FAAP20: variants seen among roughly 807,000 people sequenced by gnomAD.
FAAP20 encodes Fanconi anemia core complex-associated protein 20.
A neutral mutation model predicts 16.2 loss-of-function variants in FAAP20; 12 were observed. That is an observed-to-expected ratio of 0.74 (90% CI 0.48 to 1.20). FAAP20 has a LOEUF of 1.20. Among genes scored for constraint, FAAP20 ranks in the 50% most tolerant of loss-of-function variants. The probability of loss-of-function intolerance (pLI) is 0.00; values close to 1 mark genes in which losing one functional copy is unlikely to be tolerated. For synonymous variants in FAAP20, 141 were observed against 110.7 expected (o/e 1.27, Z -1.72); for missense variants, 288 against 245.8 (o/e 1.17, Z -1.15).
chr1:2,185,880 G>A (rs1357294107), downstream of FAAP20: 6 of 366,836 alleles, frequency 1.6e-5, no homozygotes, highest in Non-Finnish European at 5.2e-6. Flanking sequence ...AGATGTGCAT[G>A]TGACGGACCC....
upstream of FAAP20, chr1:2,212,681 C>G: frequency 6.9e-6 from 2 of 287,866 alleles, no homozygotes; most frequent in South Asian, 3.0e-5. Flanking sequence ...GGTGTAAGTT[C>G]CAAGAACGCG....
Position 2,194,027 on chromosome 1 carries a change from C to G in FAAP20, c.169G>C (p.Val57Leu). The G allele has an allele frequency of 6.2e-7, 1 of 1,612,730 alleles. No individual in the cohort carries two copies. Among genetic ancestry groups the G allele is most frequent in the South Asian group, 1.1e-5 (1 of 91,080 alleles). ...CCTGGGAAGGCGGGCAGTGAAGGCACCTCGTGATCCAGGATCAGCTCCGGG... is the reference window on the plus strand; with the variant it reads ...CCTGGGAAGGCGGGCAGTGAAGGCAGCTCGTGATCCAGGATCAGCTCCGGG... ...VSPELILDHE[V>L]PSLPAFPGQE... Residue 57 changes from valine to leucine, a missense_variant, in exon 2 of 4, where the codon GTG becomes CTG. Val to Leu is a conservative substitution (Grantham distance 32, BLOSUM62 1). Coordinates refer to ENST00000378546, the MANE Select transcript of FAAP20 (RefSeq NM_182533.4).
downstream of FAAP20, among the ~76,000 whole-genome samples, chr1:2,208,992 A>G (rs1438707851): frequency 6.6e-6 from 1 of 152,160 alleles, no homozygotes; most frequent in East Asian, 1.9e-4. Context: ...CCCGGACCCC[A>G]CTCACTGCAC....
chr1:2,184,522 A>G, downstream of FAAP20: 2 of 1,281,370 alleles, frequency 1.6e-6, no homozygotes, highest in Non-Finnish European at 2.2e-6. Context: ...CGTGCAAAAC[A>G]CTCAATCTGG....
upstream of FAAP20, chr1:2,198,206 A>C (rs1688900200): frequency 2.4e-6 from 3 of 1,246,178 alleles, no homozygotes; most frequent in Non-Finnish European, 3.1e-6. Context: ...GTTTTTTCTA[A>C]GCCAAAATTC....
intron 3 of FAAP20, among the ~76,000 whole-genome samples, chr1:2,205,325 A>C (rs1273202339): frequency 9.9e-6 from 1 of 101,352 alleles, no homozygotes; most frequent in African/African-American, 4.0e-5. Context: ...CCCGCCCCGC[A>C]GGGTCCCGCC....
chr1:2,198,630 T>C (rs1409525255), upstream of FAAP20: 1 of 1,192,176 alleles, frequency 8.4e-7, no homozygotes, highest in East Asian at 5.9e-5. Flanking sequence ...CCCTCCCAAT[T>C]TCCAAATGAG....
chr1:2,204,434 T>C (rs1413886949), upstream of FAAP20, among the ~76,000 whole-genome samples: 1 of 152,204 alleles, frequency 6.6e-6, no homozygotes. Flanking sequence ...TTTCTCCACA[T>C]AATGAGAGCC....
chr1:2,211,408 T>C (rs1472937615), downstream of FAAP20, among the ~76,000 whole-genome samples: 2 of 17,370 alleles, frequency 1.2e-4, no homozygotes, highest in East Asian at 1.7e-3. Flanking sequence ...TTTATATATA[T>C]ATATATATAT....
chr1:2,193,326 G>A (rs1688461427), intron 3 of FAAP20: 1 of 521,816 alleles, frequency 1.9e-6, no homozygotes, highest in Non-Finnish European at 3.4e-6. Context: ...TGTGCTCTGG[G>A]CCTGGGGACG....
In FAAP20 at chr1:2,193,667, G is replaced by A. The variant is rs113218107; in HGVS notation, c.442C>T (p.Pro148Ser). ...VEGAAALRSC[P>S]MCQKEFAPRL... is the part of the protein sequence containing the mutation. ...GGGGCGAACTCCTTCTGGCACATGG[G>A]GCAGCTGCGCAGGGCCGCGGCACCC... The change falls in exon 3 of 4, where the codon CCC becomes TCC. Residue 148 changes from proline to serine, a missense_variant. Physicochemically the swap from Pro to Ser is moderately conservative, Grantham distance 74. Coordinates refer to ENST00000378546, the MANE Select transcript of FAAP20 (RefSeq NM_182533.4). 2.5e-6 allele frequency: 4 copies of A among 1,600,408 alleles called. No homozygotes were observed. Among genetic ancestry groups the A allele is most frequent in the Middle Eastern group, 1.7e-4 (1 of 5,968 alleles).
upstream of FAAP20, among the ~76,000 whole-genome samples, chr1:2,196,565 T>C (rs1173788864): frequency 6.9e-6 from 1 of 145,652 alleles, no homozygotes; most frequent in African/African-American, 2.5e-5. The surrounding 1 kb of genome is among the most constrained non-coding windows in gnomAD (Gnocchi z 4.5). Flanking sequence ...ATAGGCCAGG[T>C]GTGGTGGCTC....
At chr1:2,185,460 A>G (rs569078307), downstream of FAAP20, 276 of 718,542 alleles carry the variant, frequency 3.8e-4, no homozygotes, top group Non-Finnish European at 6.1e-4. Flanking sequence ...ACCCACACGT[A>G]GGGGGGCAGC....
chr1:2,209,248 C>A (rs148570545), downstream of FAAP20, among the ~76,000 whole-genome samples: 1 of 152,198 alleles, frequency 6.6e-6, no homozygotes, highest in Admixed American at 6.5e-5. Context: ...GCCCCCGCCC[C>A]GAAAGCTTAT....
upstream of FAAP20, chr1:2,198,353 C>T (rs982108809): frequency 2.0e-5 from 8 of 406,460 alleles, no homozygotes; most frequent in Admixed American, 3.9e-5. Flanking sequence ...AGGCCCCTTA[C>T]CCTCTGTGGC....
chr1:2,194,703 G>C lies in FAAP20; in HGVS notation c.47C>G (p.Pro16Arg), dbSNP rs1438985575. ...CCGGCCTCACCCGCCCGCCGGGCGC[G>C]GCCTCCGGCGGCTCAACCCCAGCCG... ...RPRLGLSRRR[P>R]RPAGGPSGGR... Residue 16 changes from proline (P) to arginine (R), a missense_variant, in exon 1 of 4, where the codon CCG becomes CGG. Transcript: ENST00000378546. The C allele has an allele frequency of 5.1e-6, 6 of 1,170,238 alleles. No individual in the cohort carries two copies. Among genetic ancestry groups the C allele is most frequent in the Non-Finnish European group, 6.3e-6 (6 of 950,590 alleles). 72.5% of individuals were successfully genotyped at this position (1,170,238 alleles called of 1,614,324 possible). A position where few individuals can be genotyped will look rare whatever the true frequency, so the allele number is the denominator to read the frequency against.
chr1:2,208,998 T>C (rs1689362852), downstream of FAAP20, among the ~76,000 whole-genome samples: 1 of 152,198 alleles, frequency 6.6e-6, no homozygotes, highest in Non-Finnish European at 1.5e-5. Context: ...CCCCACTCAC[T>C]GCACCCAGCA....
upstream of FAAP20, chr1:2,203,726 T>G: frequency 1.2e-6 from 1 of 853,132 alleles, no homozygotes; most frequent in Non-Finnish European, 1.4e-6. Context: ...TCCTGGAGCC[T>G]GGCCTCAGGC....
chr1:2,191,689 C>A (rs992803335), intron 3 of FAAP20: 4 of 299,878 alleles, frequency 1.3e-5, no homozygotes, highest in African/African-American at 6.9e-5. Context: ...TGCAGTGAGC[C>A]GAGATCATGC....
Sources: gnomAD v4.1 joint callset for allele counts (sites outside exome capture counted in the v4.1 genomes callset) on GRCh38, gnomAD v4.1.1 for gene constraint, Gnocchi (gnomAD v3.1) non-coding constraint, MANE v1.5 for transcripts, NCBI Gene and HGNC (gene_info 2026-07-23, HGNC 2026-07-21) for gene names.